Variants in TENM2 observed in about 807,000 individuals in gnomAD.
TENM2 encodes the protein teneurin-2.
In TENM2, 52 loss-of-function variants were observed where a neutral mutation model predicts 245.2. That is an observed-to-expected ratio of 0.21 (90% CI 0.17 to 0.27). The LOEUF (loss-of-function observed/expected upper bound fraction) is 0.27, where lower values mean the gene tolerates loss of function less well. Ranked by LOEUF, TENM2 falls within the 10% of genes least tolerant of loss-of-function variation. The pLI, the probability that TENM2 is intolerant of heterozygous loss-of-function variation, is 1.00. For synonymous variants in TENM2, 1,363 were observed against 1,438.9 expected, an observed-to-expected ratio of 0.95 and a Z score of 1.19; for missense variants, 3,046 against 3,666.8, an observed-to-expected ratio of 0.83 and a Z score of 4.37.
chr5:167,039,839 GAAGA>G, the TENM2 span, among the ~76,000 whole-genome samples: 1 of 151,596 alleles, frequency 6.6e-6, no homozygotes, highest in East Asian at 1.9e-4. Flanking sequence ...TATCGTAAAT[GAAGA>G]AAGAAAAAAA....
At chr5:167,926,718 C>CCA (rs750351497) in intron 3 of TENM2, among the ~76,000 whole-genome samples, 14,479 of 136,604 alleles carry the variant, frequency 0.11, 875 homozygotes, top group Admixed American at 0.23. Context: ...TGAGATTCCA[C>CCA]CACACACACA....
At chr5:167,848,578 A>G (rs1311730356) in intron 2 of TENM2, among the ~76,000 whole-genome samples, 1 of 152,200 alleles carries the variant, frequency 6.6e-6, no homozygotes, top group Non-Finnish European at 1.5e-5. Flanking sequence ...GAACCAAGGA[A>G]TAGACTTGTA....
At chr5:167,441,394 T>C (rs537122035) in intron 2 of TENM2, among the ~76,000 whole-genome samples, 1 of 152,362 alleles carries the variant, frequency 6.6e-6, no homozygotes, top group African/African-American at 2.4e-5. Flanking sequence ...CCCTCAATTC[T>C]TCATTTTTCA....
At chr5:167,330,109 CT>C (rs1757351267) in intron 1 of TENM2, among the ~76,000 whole-genome samples, 1 of 152,148 alleles carries the variant, frequency 6.6e-6, no homozygotes, top group Non-Finnish European at 1.5e-5. Flanking sequence ...CATTTAACTT[CT>C]CTAAATGTTG....
the TENM2 span, among the ~76,000 whole-genome samples, chr5:167,110,846 C>A: frequency 6.6e-6 from 1 of 152,134 alleles, no homozygotes; most frequent in Non-Finnish European, 1.5e-5. Context: ...TGTGCATGGC[C>A]ATTTCTCATG....
chr5:167,894,966 GAA>G (rs1775075045), intron 3 of TENM2, among the ~76,000 whole-genome samples: 2 of 125,032 alleles, frequency 1.6e-5, no homozygotes, highest in Non-Finnish European at 3.3e-5. Context: ...AGGAAGGAAG[GAA>G]GGAAGGAAGG....
intron 13 of TENM2, among the ~76,000 whole-genome samples, chr5:168,185,947 T>C: frequency 2.3e-4 from 1 of 4,382 alleles, no homozygotes; most frequent in Non-Finnish European, 3.7e-4. Flanking sequence ...TATATATATA[T>C]ATATATATAT....
the TENM2 span, among the ~76,000 whole-genome samples, chr5:167,181,466 T>TTTTG: frequency 5.7e-5 from 7 of 122,600 alleles, no homozygotes; most frequent in African/African-American, 2.3e-4. Context: ...AGCCGCTCGT[T>TTTTG]TGTGTGTGTG....
At chr5:167,123,582 C>T in the TENM2 span, among the ~76,000 whole-genome samples, 7 of 152,158 alleles carry the variant, frequency 4.6e-5, no homozygotes, top group Non-Finnish European at 1.0e-4. Flanking sequence ...TGCAGTGTAT[C>T]CTCTGGTTTA....
the TENM2 span, among the ~76,000 whole-genome samples, chr5:167,209,325 G>A: frequency 3.3e-5 from 5 of 151,584 alleles, no homozygotes; most frequent in African/African-American, 9.7e-5. Context: ...GTGCAGTGGT[G>A]TGATCTCGGC....
chr5:168,054,975 G>A (rs948449910), intron 6 of TENM2, among the ~76,000 whole-genome samples: 1 of 152,106 alleles, frequency 6.6e-6, no homozygotes, highest in African/African-American at 2.4e-5. Flanking sequence ...TGCAGCTCTT[G>A]GATAGACTGA....
chr5:167,206,957 A>G, the TENM2 span, among the ~76,000 whole-genome samples: 1 of 152,186 alleles, frequency 6.6e-6, no homozygotes, highest in Non-Finnish European at 1.5e-5. Flanking sequence ...CACTACCATC[A>G]TAAAGATTTA....
chr5:167,057,525 C>A, the TENM2 span, among the ~76,000 whole-genome samples: 35 of 152,004 alleles, frequency 2.3e-4, no homozygotes, highest in African/African-American at 8.5e-4. Context: ...TCTCAGTGGA[C>A]CTGGACTGTG....
chr5:167,096,602 A>G, the TENM2 span, among the ~76,000 whole-genome samples: 1 of 152,092 alleles, frequency 6.6e-6, no homozygotes, highest in Non-Finnish European at 1.5e-5. Context: ...TTCAAATCCT[A>G]CCTTTTCATA....
At chr5:167,917,326 C>T (rs1280076035) in intron 3 of TENM2, among the ~76,000 whole-genome samples, 1 of 151,888 alleles carries the variant, frequency 6.6e-6, no homozygotes, top group East Asian at 1.9e-4. Flanking sequence ...GCTGCAAATG[C>T]CTCATGCATG....
the TENM2 span, among the ~76,000 whole-genome samples, chr5:167,157,786 A>T: frequency 6.6e-6 from 1 of 152,238 alleles, no homozygotes; most frequent in Non-Finnish European, 1.5e-5. Context: ...TTTTATCAAT[A>T]GGAATACTTT....
intron 2 of TENM2, among the ~76,000 whole-genome samples, chr5:167,507,813 T>G (rs1769657340): frequency 6.6e-6 from 1 of 152,168 alleles, no homozygotes; most frequent in Admixed American, 6.5e-5. Flanking sequence ...GTGAATTTCT[T>G]TTTCCTCTTG....
chr5:168,061,310 T>C (rs1790018296), intron 6 of TENM2, among the ~76,000 whole-genome samples: 1 of 152,166 alleles, frequency 6.6e-6, no homozygotes, highest in African/African-American at 2.4e-5. Context: ...CAGCTTTTCC[T>C]TAATTCTGTG....
intron 2 of TENM2, among the ~76,000 whole-genome samples, chr5:167,635,684 G>A (rs1276411251): frequency 8.5e-6 from 1 of 118,120 alleles, no homozygotes. Context: ...TCGCTCTGTC[G>A]CCCAGGATGG....
Sources: allele counts gnomAD v4.1 joint callset (sites outside exome capture counted in the v4.1 genomes callset), GRCh38; gene constraint gnomAD v4.1.1; transcripts MANE v1.5; gene names NCBI Gene and HGNC (gene_info 2026-07-23, HGNC 2026-07-21).